Variants in PAX5 observed in about 807,000 individuals in gnomAD.
PAX5 encodes paired box protein Pax-5.
A neutral mutation model predicts 43.7 loss-of-function variants in PAX5; 9 were observed. The ratio of observed to expected loss-of-function variants is 0.21; its 90% confidence interval spans 0.12 to 0.36. The LOEUF (loss-of-function observed/expected upper bound fraction) is 0.36, where lower values mean the gene tolerates loss of function less well. PAX5 is among the 10% of genes least tolerant of loss of function. PAX5 has a pLI of 1.00. For missense variants in PAX5, 383 were observed against 532.7 expected (o/e 0.72, Z 2.77); for synonymous variants, 228 against 214.3 (o/e 1.06, Z -0.56).
chr9:36,977,414 G>A (rs1835530772), intron 5 of PAX5, among the ~76,000 whole-genome samples: 1 of 152,128 alleles, frequency 6.6e-6, no homozygotes, highest in East Asian at 1.9e-4. Context: ...TCCAGAGTCT[G>A]CTCCTAGCCC....
At chr9:36,960,802 T>C (rs1298061133) in intron 6 of PAX5, among the ~76,000 whole-genome samples, 2 of 152,198 alleles carry the variant, frequency 1.3e-5, no homozygotes, top group Middle Eastern at 3.2e-3. Flanking sequence ...CCAGGCCCCC[T>C]TGCAGCTCCC....
At chr9:36,901,437 C>T (rs1037538994) in intron 7 of PAX5, among the ~76,000 whole-genome samples, 1 of 152,146 alleles carries the variant, frequency 6.6e-6, no homozygotes, top group Non-Finnish European at 1.5e-5. Context: ...CATGCCTCTC[C>T]TTATCATTTC....
In PAX5 at chr9:36,840,447, T is replaced by C. The variant is rs1463951028; in HGVS notation, c.*113A>G. 5 of 1,013,680 alleles carry C rather than the reference T, an allele frequency of 4.9e-6. No individual in the cohort carries two copies. Among genetic ancestry groups the C allele is most frequent in the Non-Finnish European group, 7.5e-6 (5 of 668,080 alleles). The allele number at this position is 1,013,680 out of a possible 1,614,324, so 62.8% of individuals were successfully genotyped here. Reference sequence around the variant, plus strand: ...GAGGAAGAGGGGAGCTTCAGGCAAGTGGGGGATGCTGGGGGACGGTCTCAT... The same window carrying C: ...GAGGAAGAGGGGAGCTTCAGGCAAGCGGGGGATGCTGGGGGACGGTCTCAT... On this transcript the variant is annotated 3_prime_UTR_variant, in exon 10 of 10. Coordinates refer to ENST00000358127, the MANE Select transcript of PAX5 (RefSeq NM_016734.3).
At chr9:36,991,678 C>A (rs577764393) in intron 5 of PAX5, among the ~76,000 whole-genome samples, 2 of 151,422 alleles carry the variant, frequency 1.3e-5, no homozygotes, top group Non-Finnish European at 2.9e-5. Context: ...CATGAATGGC[C>A]GGTACACACT....
At chr9:36,849,002 A>G (rs1272444768) in intron 8 of PAX5, among the ~76,000 whole-genome samples, 1 of 152,162 alleles carries the variant, frequency 6.6e-6, no homozygotes, top group Non-Finnish European at 1.5e-5. Flanking sequence ...TGGTGAATGT[A>G]GAGGTCCTTG....
chr9:36,937,757 G>A (rs902493014), intron 6 of PAX5, among the ~76,000 whole-genome samples: 3 of 152,186 alleles, frequency 2.0e-5, no homozygotes, highest in Non-Finnish European at 2.9e-5. Context: ...AGGTTTAGCC[G>A]CAGATGTTGT....
At chr9:36,994,806 A>G (rs1221437045) in intron 5 of PAX5, among the ~76,000 whole-genome samples, 1 of 152,140 alleles carries the variant, frequency 6.6e-6, no homozygotes. Flanking sequence ...ATCCATCCAT[A>G]CATGAAATTT....
At chr9:36,866,929 C>G (rs1035514136) in intron 8 of PAX5, among the ~76,000 whole-genome samples, 1 of 152,150 alleles carries the variant, frequency 6.6e-6, no homozygotes, top group Non-Finnish European at 1.5e-5. Flanking sequence ...GCCTTCAAAG[C>G]TTCTCCTGCA....
At chr9:37,003,847 A>T (rs57807612) in intron 4 of PAX5, among the ~76,000 whole-genome samples, 2,933 of 152,330 alleles carry the variant, frequency 0.019, 93 homozygotes, top group African/African-American at 0.063. Context: ...AAAAATAAAA[A>T]TAAAAAATAA....
chr9:36,853,500 A>G (rs771924089), intron 8 of PAX5, among the ~76,000 whole-genome samples: 2 of 152,146 alleles, frequency 1.3e-5, no homozygotes, highest in Non-Finnish European at 2.9e-5. Flanking sequence ...CCAAACCCCA[A>G]TGGGTGAAAG....
At chr9:37,023,299 C>G (rs1214363234) in intron 1 of PAX5, among the ~76,000 whole-genome samples, 3 of 152,124 alleles carry the variant, frequency 2.0e-5, no homozygotes, top group African/African-American at 7.2e-5. Context: ...TTCTGGAGGA[C>G]AGGGGACTTC....
chr9:37,013,409 C>T lies in PAX5; in HGVS notation c.410+1588G>A, dbSNP rs562688913. Among the ~76,000 whole-genome samples, 19 of 152,254 alleles carry T rather than the reference C, an allele frequency of 1.2e-4. No individual in the cohort carries two copies. In the East Asian group the frequency reaches 3.5e-3, roughly 28 times the overall value. ...GGACTACCTAAGGTTATCTTGCGAACCCCCAATTATATGTGTACTCTACGT... is the reference window on the plus strand; with the variant it reads ...GGACTACCTAAGGTTATCTTGCGAATCCCCAATTATATGTGTACTCTACGT... On this transcript the variant is annotated intron_variant, in intron 3 of 9. Coordinates refer to ENST00000358127, the MANE Select transcript of PAX5 (RefSeq NM_016734.3).
chr9:36,965,748 G>A (rs1834372851), intron 6 of PAX5, among the ~76,000 whole-genome samples: 1 of 152,212 alleles, frequency 6.6e-6, no homozygotes, highest in African/African-American at 2.4e-5. Context: ...CCCACCAGGT[G>A]GGAGCTCTTG....
At chr9:36,924,045 T>C (rs1042470951) in intron 6 of PAX5, among the ~76,000 whole-genome samples, 3 of 152,152 alleles carry the variant, frequency 2.0e-5, no homozygotes, top group Admixed American at 6.5e-5. Context: ...AGAATACCAA[T>C]TGGGGTGGGT....
At chr9:36,920,878 A>G (rs1446966519) in intron 7 of PAX5, among the ~76,000 whole-genome samples, 3 of 128,670 alleles carry the variant, frequency 2.3e-5, no homozygotes, top group Non-Finnish European at 4.6e-5. Flanking sequence ...CAATGGCGTG[A>G]TCTTGGCTCA....
rs955730797 is a variant in PAX5 at position 36,868,349 on chromosome 9, A to T, written c.1012+13655T>A. On this transcript the variant is annotated intron_variant, in intron 8 of 9. Transcript: ENST00000358127. ...AGCACCTACTGCAGGCAGGGCCAGGATCTGAGAGGAATTCCGGGCAGCCCT... is the reference window on the plus strand; with the variant it reads ...AGCACCTACTGCAGGCAGGGCCAGGTTCTGAGAGGAATTCCGGGCAGCCCT... Among the ~76,000 whole-genome samples the T allele has an allele frequency of 4.6e-5, 7 of 152,318 alleles. No individual in the cohort carries two copies. The South Asian group carries it at 1.5e-3, about 32-fold the overall frequency.
At chr9:36,905,275 G>A (rs956960336) in intron 7 of PAX5, among the ~76,000 whole-genome samples, 1 of 152,224 alleles carries the variant, frequency 6.6e-6, no homozygotes, top group African/African-American at 2.4e-5. Flanking sequence ...TCACAAGAAA[G>A]GGCCCAGCCC....
At chr9:36,988,662 C>CAAAAAAA (rs139552622) in intron 5 of PAX5, among the ~76,000 whole-genome samples, 33 of 103,530 alleles carry the variant, frequency 3.2e-4, no homozygotes, top group African/African-American at 1.3e-3. Flanking sequence ...GACCCTGTCT[C>CAAAAAAA]AAAAAAAAAA....
Position 36,837,977 on chromosome 9 carries a change from G to C in PAX5, c.*2583C>G, listed in dbSNP as rs2131557429. On this transcript the variant is annotated 3_prime_UTR_variant, in exon 10 of 10. Coordinates refer to ENST00000358127, the MANE Select transcript of PAX5 (RefSeq NM_016734.3). Reference sequence around the variant, plus strand: ...TGGGTACACATCATTCCAAAAGAAGGGTGACAGGGGGCAGAGGCTCAAGAA... The same window carrying C: ...TGGGTACACATCATTCCAAAAGAAGCGTGACAGGGGGCAGAGGCTCAAGAA... 4.3e-6 allele frequency: 1 copy of C among 233,336 alleles called. No individual in the cohort carries two copies. Among genetic ancestry groups the C allele is most frequent in the South Asian group, 1.8e-4 (1 of 5,528 alleles). The allele number at this position is 233,336 out of a possible 1,614,324, so 14.5% of individuals were successfully genotyped here. A position where few individuals can be genotyped will look rare whatever the true frequency, so the allele number is the denominator to read the frequency against.
Sources: allele counts gnomAD v4.1 joint callset (sites outside exome capture counted in the v4.1 genomes callset), GRCh38; gene constraint gnomAD v4.1.1; transcripts MANE v1.5; gene names NCBI Gene and HGNC (gene_info 2026-07-23, HGNC 2026-07-21).